FRS2: variants seen among roughly 807,000 people sequenced by gnomAD.
FRS2 encodes the protein fibroblast growth factor receptor substrate 2.
A neutral mutation model predicts 43.9 loss-of-function variants in FRS2; 8 were observed. That is an observed-to-expected ratio of 0.18 (90% CI 0.11 to 0.33). FRS2 has a LOEUF of 0.33. FRS2 is among the 10% of genes least tolerant of loss of function. FRS2 has a pLI of 1.00. For synonymous variants in FRS2, 219 were observed against 220.3 expected (o/e 0.99, Z 0.05); for missense variants, 534 against 627.6 (o/e 0.85, Z 1.59).
intron 3 of FRS2, among the ~76,000 whole-genome samples, chr12:69,559,788 A>T (rs1020394567): frequency 2.1e-5 from 3 of 140,224 alleles, no homozygotes; most frequent in Non-Finnish European, 4.6e-5. Context: ...CCAATGGTTT[A>T]AAAAAAAAAA....
In FRS2 at chr12:69,558,030, A is replaced by C. The variant is rs77298195; in HGVS notation, c.-121-4150A>C. On this transcript the variant is annotated intron_variant, in intron 3 of 8. Transcript: ENST00000549921. ...TTTACACACAAACAAATGAATCTCT[A>C]TATATATATTGTTGGATTTCTGTTC... Among the ~76,000 whole-genome samples the C allele has an allele frequency of 3.8e-3, 577 of 152,208 alleles. 3 individuals are homozygous for C. Among genetic ancestry groups the C allele is most frequent in the Non-Finnish European group, 5.3e-3 (362 of 67,998 alleles).
chr12:69,492,666 G>C (rs1384275784), intron 1 of FRS2, among the ~76,000 whole-genome samples: 1 of 152,162 alleles, frequency 6.6e-6, no homozygotes, highest in Non-Finnish European at 1.5e-5. Context: ...GCTCCATATG[G>C]ATTTTTTTTA....
chr12:69,538,812 A>G (rs1305326610), intron 3 of FRS2, among the ~76,000 whole-genome samples: 3 of 152,168 alleles, frequency 2.0e-5, no homozygotes, highest in Non-Finnish European at 2.9e-5. Flanking sequence ...AAAAGTGATA[A>G]TACCCTATCT....
intron 1 of FRS2, among the ~76,000 whole-genome samples, chr12:69,502,169 T>C (rs1873513763): frequency 6.6e-6 from 1 of 152,142 alleles, no homozygotes; most frequent in East Asian, 1.9e-4. Context: ...TTTTACCGTG[T>C]TGGCCAGGCT....
At chr12:69,476,099 A>C (rs1163797122) in intron 1 of FRS2, among the ~76,000 whole-genome samples, 2 of 152,284 alleles carry the variant, frequency 1.3e-5, no homozygotes, top group African/African-American at 4.8e-5. Context: ...GCTTAAACAG[A>C]ATCTGAGGGA....
rs1299944852 is a variant in FRS2, at chr12:69,531,995, C to T, written c.-164-19C>T. ...GTCTTGAAACTAACATTTCCACTTT[C>T]TACCTGAAATTTTTTTAGGAACAAA... On this transcript the variant is annotated intron_variant, in intron 2 of 8. Coordinates refer to ENST00000549921, the MANE Select transcript of FRS2 (RefSeq NM_001278356.2). The T allele has an allele frequency of 6.6e-6, 1 of 152,556 alleles. No homozygotes were observed. The highest frequency in any genetic ancestry group is 1.5e-5 in the Non-Finnish European group (1 of 68,020). 9.5% of individuals were successfully genotyped at this position (152,556 alleles called of 1,614,324 possible).
intron 1 of FRS2, among the ~76,000 whole-genome samples, chr12:69,489,777 T>G (rs1442129297): frequency 6.6e-6 from 1 of 151,768 alleles, no homozygotes; most frequent in African/African-American, 2.4e-5. Flanking sequence ...GTTTTTTATA[T>G]CCTGTTTTCT....
chr12:69,526,058 A>G (rs1468348515), intron 1 of FRS2, among the ~76,000 whole-genome samples: 1 of 151,988 alleles, frequency 6.6e-6, no homozygotes, highest in Non-Finnish European at 1.5e-5. Flanking sequence ...GGGTTTCACC[A>G]TGTTTATCAG....
intron 3 of FRS2, among the ~76,000 whole-genome samples, chr12:69,542,482 AAAG>A (rs1483502050): frequency 2.0e-5 from 3 of 152,236 alleles, no homozygotes; most frequent in African/African-American, 7.2e-5. Context: ...AAAAAAGTAT[AAAG>A]AAGAAAAAAG....
chr12:69,555,929 C>T (rs1039873486), intron 3 of FRS2, among the ~76,000 whole-genome samples: 7 of 141,454 alleles, frequency 4.9e-5, no homozygotes, highest in East Asian at 2.1e-4. Context: ...TTTAAATGAG[C>T]TATTTGTGAA....
intron 1 of FRS2, among the ~76,000 whole-genome samples, chr12:69,493,399 G>A (rs1872626343): frequency 1.3e-5 from 2 of 152,266 alleles, no homozygotes; most frequent in African/African-American, 4.8e-5. Flanking sequence ...CTTTGAACCT[G>A]TTAAAATGTG....
chr12:69,534,509 C>T (rs184719126), intron 3 of FRS2, among the ~76,000 whole-genome samples: 47 of 152,286 alleles, frequency 3.1e-4, no homozygotes, highest in Non-Finnish European at 1.0e-4. Flanking sequence ...GAAGAACAAG[C>T]ATTTTCCCTG....
chr12:69,564,114 G>T (rs924134888), intron 4 of FRS2, among the ~76,000 whole-genome samples: 1 of 152,012 alleles, frequency 6.6e-6, no homozygotes, highest in Admixed American at 6.6e-5. Flanking sequence ...GTTCTTCAAA[G>T]ACCAGTTTCC....
At chr12:69,480,080 T>C (rs1871220041) in intron 1 of FRS2, among the ~76,000 whole-genome samples, 1 of 152,252 alleles carries the variant, frequency 6.6e-6, no homozygotes, top group East Asian at 1.9e-4. Flanking sequence ...ATTTAAAAAC[T>C]TTTTATTTAA....
In FRS2 at chr12:69,577,897, C is replaced by T. The variant is rs1295196030; in HGVS notation, c.*2942C>T. On this transcript the variant is annotated 3_prime_UTR_variant, in exon 9 of 9. Coordinates refer to ENST00000549921, the MANE Select transcript of FRS2 (RefSeq NM_001278356.2). ...ATATCTGGGACTTAGGAAAATTTGCCAAGCAATCTTTGTTTTTATAGATAC... is the reference window on the plus strand; with the variant it reads ...ATATCTGGGACTTAGGAAAATTTGCTAAGCAATCTTTGTTTTTATAGATAC... The T allele has an allele frequency of 6.6e-6, 1 of 152,480 alleles. No individual in the cohort carries two copies. The highest frequency in any genetic ancestry group is 1.5e-5 in the Non-Finnish European group (1 of 67,994). The allele number at this position is 152,480 out of a possible 1,614,324, so 9.4% of individuals were successfully genotyped here. A position where few individuals can be genotyped will look rare whatever the true frequency, so the allele number is the denominator to read the frequency against.
chr12:69,475,496 A>G (rs766150283), intron 1 of FRS2, among the ~76,000 whole-genome samples: 3 of 152,178 alleles, frequency 2.0e-5, no homozygotes, highest in Non-Finnish European at 4.4e-5. Flanking sequence ...CACTCCCTCC[A>G]GCTGTCTTGG....
rs1286384844 is a variant in FRS2, at chr12:69,571,359, G to A, written c.337G>A (p.Val113Met). The change falls in exon 7 of 9, where the codon GTG becomes ATG. Residue 113 changes from valine (V) to methionine (M), a missense_variant. Transcript: ENST00000549921. ...TATGCAAAATAATAGTATAAATGTGGTGGAAGAGCCAGTTGTAGAAAGAAA... is the reference window on the plus strand; with the variant it reads ...TATGCAAAATAATAGTATAAATGTGATGGAAGAGCCAGTTGTAGAAAGAAA... ...EIMQNNSINVVEEPVVERNNH... is the reference protein window; with the variant it reads ...EIMQNNSINVMEEPVVERNNH... The A allele has an allele frequency of 6.2e-7, 1 of 1,611,204 alleles. No homozygotes were observed.
At chr12:69,572,054 C>T in intron 7 of FRS2, 64 bp from the exon 8 acceptor site, 3 of 1,272,982 alleles carry the variant, frequency 2.4e-6, no homozygotes, top group Non-Finnish European at 3.4e-6. Flanking sequence ...AGATTCGATT[C>T]TTACTCATTT....
chr12:69,548,476 A>C (rs1249379650), intron 3 of FRS2, among the ~76,000 whole-genome samples: 2 of 152,202 alleles, frequency 1.3e-5, no homozygotes, highest in African/African-American at 4.8e-5. Context: ...TTAGGTTGGT[A>C]ACTTTTATTT....
Sources: allele counts gnomAD v4.1 joint callset (sites outside exome capture counted in the v4.1 genomes callset), GRCh38; gene constraint gnomAD v4.1.1; transcripts MANE v1.5; gene names NCBI Gene and HGNC (gene_info 2026-07-23, HGNC 2026-07-21).